Variants in JDP2 observed in about 807,000 individuals in gnomAD.
JDP2 encodes Jun dimerization protein 2.
JDP2 carries 9 observed loss-of-function variants against 17.1 expected under a neutral mutation model. That is an observed-to-expected ratio of 0.53 (90% CI 0.32 to 0.92). The LOEUF is 0.92. JDP2 is among the 40% of genes least tolerant of loss of function. The probability of loss-of-function intolerance (pLI) is 0.04; values close to 1 mark genes in which losing one functional copy is unlikely to be tolerated. For missense variants in JDP2, 179 were observed against 220.0 expected (o/e 0.81, Z 1.18); for synonymous variants, 107 against 95.6 (o/e 1.12, Z -0.69).
At chr14:75,435,780 G>A (rs1215779257) in intron 1 of JDP2, among the ~76,000 whole-genome samples, 1 of 152,230 alleles carries the variant, frequency 6.6e-6, no homozygotes, top group Non-Finnish European at 1.5e-5. Flanking sequence ...GACACGGGGT[G>A]AAGGAAGGAG....
chr14:75,456,615 T>G (rs1886117532), intron 2 of JDP2, among the ~76,000 whole-genome samples: 1 of 152,190 alleles, frequency 6.6e-6, no homozygotes. Flanking sequence ...GACCCCGTCT[T>G]GGAGCTGAGT....
At chr14:75,445,221 G>A (rs577940391) in intron 2 of JDP2, 2 of 985,398 alleles carry the variant, frequency 2.0e-6, no homozygotes, top group East Asian at 1.1e-4. Flanking sequence ...AAGGCAACCT[G>A]GCCTGAGGTT....
chr14:75,468,392 C>G (rs1293421025), intron 3 of JDP2, among the ~76,000 whole-genome samples: 1 of 152,204 alleles, frequency 6.6e-6, no homozygotes, highest in Non-Finnish European at 1.5e-5. Flanking sequence ...TGAAACTTTG[C>G]TGGCCCTCGA....
intron 2 of JDP2, among the ~76,000 whole-genome samples, chr14:75,438,626 T>C (rs1290618568): frequency 6.6e-6 from 1 of 152,050 alleles, no homozygotes. Context: ...GGAGGAAGAG[T>C]AGCGTGGCCT....
At chr14:75,434,783 G>C (rs991637658) in intron 1 of JDP2, among the ~76,000 whole-genome samples, 3 of 152,120 alleles carry the variant, frequency 2.0e-5, no homozygotes, top group African/African-American at 7.2e-5. Context: ...TTTTCTTGGG[G>C]TCTACTGTGG....
chr14:75,471,149 T>G lies in JDP2; in HGVS notation c.*1674T>G, dbSNP rs969387397. On this transcript the variant is annotated 3_prime_UTR_variant, in exon 4 of 4. Transcript: ENST00000651602. ...AGCTTATGAGGCCACAGTTATAGAT[T>G]TAGTTTCTGGGAAGGCTGGATAGAG... 5.3e-5 allele frequency: 8 copies of G among 152,190 alleles called. No homozygotes were observed. Among genetic ancestry groups the G allele is most frequent in the Non-Finnish European group, 1.2e-4 (8 of 68,042 alleles). 9.4% of individuals were successfully genotyped at this position (152,190 alleles called of 1,614,324 possible).
intron 1 of JDP2, among the ~76,000 whole-genome samples, chr14:75,432,592 A>T (rs1199262239): frequency 1.3e-5 from 2 of 152,044 alleles, no homozygotes. Context: ...TCCCAGCACC[A>T]AACCTTGAAC....
intron 2 of JDP2, among the ~76,000 whole-genome samples, chr14:75,460,575 A>C (rs1343040214): frequency 1.3e-5 from 2 of 152,242 alleles, no homozygotes; most frequent in East Asian, 3.9e-4. Flanking sequence ...TGGCCTGGAA[A>C]ATTGTACCCA....
At chr14:75,456,907 C>T (rs1361040486) in intron 2 of JDP2, among the ~76,000 whole-genome samples, 31 of 152,156 alleles carry the variant, frequency 2.0e-4, no homozygotes, top group Admixed American at 2.0e-3. Context: ...GCACGAGGGC[C>T]CTCTTGGTCC....
rs770849691 is a variant in JDP2, at chr14:75,469,463, C to T, written c.480C>T (p.Leu160=). Residue 160 remains leucine (L), a synonymous_variant, in exon 4 of 4, where the codon CTC becomes CTT. Transcript: ENST00000651602. The stretch of plus-strand genomic sequence containing the variant: ...AAGGCAACCCACTGCTCGAGCAGCT[C>T]GAGAAGAAGTGACCATGGGCTGGGA... ...ESEGNPLLEQ[L]EKK 8 of 1,612,584 alleles carry T rather than the reference C, an allele frequency of 5.0e-6. No individual in the cohort carries two copies. Among genetic ancestry groups the T allele is most frequent in the Admixed American group, 3.3e-5 (2 of 59,814 alleles).
At chr14:75,435,829 G>C (rs530500417) in intron 1 of JDP2, among the ~76,000 whole-genome samples, 1 of 152,160 alleles carries the variant, frequency 6.6e-6, no homozygotes, top group Non-Finnish European at 1.5e-5. Context: ...AAGAGGACCG[G>C]GTATGGGAGG....
At chr14:75,432,025 C>G in intron 1 of JDP2, 1 of 506,502 alleles carries the variant, frequency 2.0e-6, no homozygotes, top group Admixed American at 3.5e-5. Flanking sequence ...CAAGGGCACA[C>G]AGCTAGTAAG....
chr14:75,459,727 C>T (rs140969777), intron 2 of JDP2, among the ~76,000 whole-genome samples: 190 of 152,334 alleles, frequency 1.2e-3, no homozygotes, highest in African/African-American at 4.0e-3. Context: ...GACAATCCAA[C>T]GGCTTCTCTA....
intron 2 of JDP2, among the ~76,000 whole-genome samples, chr14:75,458,196 G>T (rs1299210440): frequency 6.6e-6 from 1 of 152,168 alleles, no homozygotes; most frequent in African/African-American, 2.4e-5. Context: ...AAGTTCAGGG[G>T]TATGTGTGCA....
Position 75,437,698 on chromosome 14 carries a change from G to A in JDP2, c.-23-200G>A, listed in dbSNP as rs140534378. On this transcript the variant is annotated intron_variant, in intron 1 of 3. Coordinates refer to ENST00000651602, the MANE Select transcript of JDP2 (RefSeq NM_001135048.2). The stretch of plus-strand genomic sequence containing the variant: ...AGGCAGACACTTCTGGCAGTGCCAA[G>A]GGTGACCTTGGTGTGAGTTAATTGA... Among the ~76,000 whole-genome samples the A allele has an allele frequency of 3.2e-3, 494 of 152,340 alleles. 3 individuals carry two copies. Among genetic ancestry groups the A allele is most frequent in the South Asian group, 0.025 (119 of 4,828 alleles).
chr14:75,473,450 C>A lies in JDP2; in HGVS notation c.*3975C>A, dbSNP rs1886853234. 2 of 152,226 alleles carry A rather than the reference C, an allele frequency of 1.3e-5. No homozygotes were observed. Among genetic ancestry groups the A allele is most frequent in the Admixed American group, 1.3e-4 (2 of 15,288 alleles). The allele number at this position is 152,226 out of a possible 1,614,324, so 9.4% of individuals were successfully genotyped here. Reference sequence around the variant, plus strand: ...CCAGTAAAACTAAAGCTAAACGCATCCTTTGACCTAGCAGTTTTCCTCCTA... The same window carrying A: ...CCAGTAAAACTAAAGCTAAACGCATACTTTGACCTAGCAGTTTTCCTCCTA... On this transcript the variant is annotated 3_prime_UTR_variant, in exon 4 of 4. Coordinates refer to ENST00000651602, the MANE Select transcript of JDP2 (RefSeq NM_001135048.2).
chr14:75,469,205 G>A (rs77100309), intron 3 of JDP2, 85 bp from the exon 4 acceptor site: 81,088 of 1,280,846 alleles, frequency 0.063, 3,120 homozygotes, highest in Admixed American at 0.11. Flanking sequence ...CCAGCCCAGC[G>A]TGCCCTGTGC....
chr14:75,455,293 G>A (rs1397917889), intron 2 of JDP2, among the ~76,000 whole-genome samples: 1 of 152,182 alleles, frequency 6.6e-6, no homozygotes, highest in African/African-American at 2.4e-5. Context: ...TCCAGGAAGT[G>A]CTCGCTGTGG....
In JDP2 at chr14:75,428,242, C is replaced by G. The variant is rs113661747; in HGVS notation, c.-34C>G. 98,516 of 145,664 alleles carry G rather than the reference C, an allele frequency of 0.68. 34,037 individuals carry two copies. The highest frequency in any genetic ancestry group is 0.81 in the African/African-American group (33,171 of 40,782). 9.0% of individuals were successfully genotyped at this position (145,664 alleles called of 1,614,324 possible). On this transcript the variant is annotated 5_prime_UTR_variant, in exon 1 of 4. Transcript: ENST00000651602. This position sits in a 1 kb window ranked among gnomAD's most constrained non-coding sequence, Gnocchi z 5.6. Reference sequence around the variant, plus strand: ...CCCGGGGGCGCCGCCTCCCCCCGCACCTTCTGCACGGTGGGTGCGAGGGCG... The same window carrying G: ...CCCGGGGGCGCCGCCTCCCCCCGCAGCTTCTGCACGGTGGGTGCGAGGGCG...
Sources: gnomAD v4.1 joint callset for allele counts (sites outside exome capture counted in the v4.1 genomes callset) on GRCh38, gnomAD v4.1.1 for gene constraint, Gnocchi (gnomAD v3.1) non-coding constraint, MANE v1.5 for transcripts, NCBI Gene and HGNC (gene_info 2026-07-23, HGNC 2026-07-21) for gene names.